HSPBAP1: variants seen among roughly 807,000 people sequenced by gnomAD.
The protein encoded by HSPBAP1 is HSPB1 associated protein 1, also known as HSPB1-associated protein 1.
Under a neutral mutation model 45.2 loss-of-function variants are expected in HSPBAP1, and 27 were observed. The observed-to-expected ratio is 0.60, with a 90% confidence interval of 0.44 to 0.82. The LOEUF is 0.82. Ranked by LOEUF, HSPBAP1 falls within the 40% of genes least tolerant of loss-of-function variation. The pLI, the probability that HSPBAP1 is intolerant of heterozygous loss-of-function variation, is 0.00. For synonymous variants in HSPBAP1, 204 were observed against 202.7 expected (o/e 1.01, Z -0.06); for missense variants, 510 against 590.9 (o/e 0.86, Z 1.42).
At position 122,781,437 on chromosome 3, in the gene HSPBAP1, C is replaced by G. The variant is rs1055953352; in HGVS notation, c.65-3531G>C. Among the ~76,000 whole-genome samples, 7 of 146,290 alleles carry G rather than the reference C, an allele frequency of 4.8e-5. No homozygotes were observed. In the East Asian group the frequency reaches 6.9e-4, roughly 14 times the overall value. On this transcript the variant is annotated intron_variant, in intron 1 of 7. Coordinates refer to ENST00000306103, the MANE Select transcript of HSPBAP1 (RefSeq NM_024610.6). Reference sequence around the variant, plus strand: ...AGGCGTGGCGGCGCGTGCCTGCAATCGCAGGCACTCGGCAGGCTGAGGCAG... The same window carrying G: ...AGGCGTGGCGGCGCGTGCCTGCAATGGCAGGCACTCGGCAGGCTGAGGCAG...
At chr3:122,762,062 A>G (rs570995854) in intron 3 of HSPBAP1, 4 of 152,240 alleles carry the variant, frequency 2.6e-5, no homozygotes, top group East Asian at 3.9e-4. Context: ...TTTAAAAATC[A>G]TCTATTCTCA....
chr3:122,780,128 G>A (rs1178588658), intron 1 of HSPBAP1, among the ~76,000 whole-genome samples: 1 of 137,764 alleles, frequency 7.3e-6, no homozygotes, highest in Non-Finnish European at 1.6e-5. Context: ...CGGCTGGCCG[G>A]GCGGGGAGCT....
At chr3:122,749,018 T>A (rs956405277) in intron 6 of HSPBAP1, among the ~76,000 whole-genome samples, 2 of 152,112 alleles carry the variant, frequency 1.3e-5, no homozygotes, top group Non-Finnish European at 2.9e-5. Context: ...GAATAAAGGA[T>A]AGAAAATTTA....
At chr3:122,760,014 T>A (rs910054265) in intron 3 of HSPBAP1, among the ~76,000 whole-genome samples, 4 of 152,194 alleles carry the variant, frequency 2.6e-5, no homozygotes, top group African/African-American at 4.8e-5. Context: ...TTTTGAAATA[T>A]ACATCCATGG....
intron 6 of HSPBAP1, among the ~76,000 whole-genome samples, chr3:122,749,612 A>G (rs1305480305): frequency 1.3e-5 from 2 of 152,080 alleles, no homozygotes; most frequent in African/African-American, 4.8e-5. Context: ...TAAATTTGAC[A>G]TCTTTTTCTT....
At chr3:122,769,954 C>G (rs1934928482) in intron 2 of HSPBAP1, among the ~76,000 whole-genome samples, 1 of 152,342 alleles carries the variant, frequency 6.6e-6, no homozygotes, top group Non-Finnish European at 1.5e-5. Context: ...GCTGGGATTA[C>G]AGGTGTGGGC....
At chr3:122,740,941 CT>C in intron 7 of HSPBAP1, 61 bp downstream of exon 7, 4 of 1,606,822 alleles carry the variant, frequency 2.5e-6, no homozygotes, top group Non-Finnish European at 3.4e-6. Flanking sequence ...AACATATGTT[CT>C]AGTCAGGGCT....
chr3:122,752,975 C>T, intron 5 of HSPBAP1: 1 of 1,082,266 alleles, frequency 9.2e-7, no homozygotes, highest in Non-Finnish European at 1.1e-6. Flanking sequence ...CTAATTTTTC[C>T]TCCTTTCCGT....
intron 1 of HSPBAP1, among the ~76,000 whole-genome samples, chr3:122,778,450 A>G (rs1935267105): frequency 6.6e-6 from 1 of 151,792 alleles, no homozygotes; most frequent in African/African-American, 2.4e-5. Flanking sequence ...GTCAAGCTAG[A>G]CATTTTTATT....
In HSPBAP1 at chr3:122,755,437, T is replaced by TAAAAAA. The variant is rs56210865; in HGVS notation, c.570-12_570-7dup. The TAAAAAA allele has an allele frequency of 3.9e-4, 460 of 1,184,578 alleles. No individual in the cohort carries two copies. The highest frequency in any genetic ancestry group is 4.5e-4 in the Non-Finnish European group (410 of 906,130). The allele number at this position is 1,184,578 out of a possible 1,614,324, so 73.4% of individuals were successfully genotyped here. Reference sequence around the variant, plus strand: ...GAAAGAGATGCCATCGTTTCCTAATTAAAAAAAAAAAAAAAAGATACAAGT... The same window carrying TAAAAAA: ...GAAAGAGATGCCATCGTTTCCTAATTAAAAAAAAAAAAAAAAAAAAAAGATACAAGT... On this transcript the variant is annotated splice_polypyrimidine_tract_variant and splice_region_variant and intron_variant, in intron 4 of 7. Coordinates refer to ENST00000306103, the MANE Select transcript of HSPBAP1 (RefSeq NM_024610.6).
At chr3:122,757,043 C>T (rs1176735539) in intron 4 of HSPBAP1, among the ~76,000 whole-genome samples, 1 of 152,130 alleles carries the variant, frequency 6.6e-6, no homozygotes, top group Non-Finnish European at 1.5e-5. Context: ...TTCTCCAGAT[C>T]CCAGTTCCTT....
intron 1 of HSPBAP1, among the ~76,000 whole-genome samples, chr3:122,788,501 C>T (rs1323252260): frequency 6.6e-6 from 1 of 152,246 alleles, no homozygotes; most frequent in East Asian, 1.9e-4. Flanking sequence ...ATCTGCACAC[C>T]CATGTTCACA....
chr3:122,778,695 A>T (rs1389476939), intron 1 of HSPBAP1, among the ~76,000 whole-genome samples: 1 of 151,918 alleles, frequency 6.6e-6, no homozygotes. Flanking sequence ...GCGCCCGGCT[A>T]ATTTTTTTGT....
At chr3:122,741,297 G>A (rs1464867048) in intron 6 of HSPBAP1, 184 bp from the exon 7 acceptor site, 11 of 586,016 alleles carry the variant, frequency 1.9e-5, no homozygotes, top group Non-Finnish European at 3.0e-5. Flanking sequence ...ATCTAGAAGA[G>A]CTGCAGAATA....
chr3:122,780,326 C>A (rs1198988411), intron 1 of HSPBAP1, among the ~76,000 whole-genome samples: 10 of 104,288 alleles, frequency 9.6e-5, no homozygotes, highest in African/African-American at 3.7e-4. Flanking sequence ...GCTGGCCGGG[C>A]GGGGGGCTGA....
intron 3 of HSPBAP1, among the ~76,000 whole-genome samples, chr3:122,767,654 C>T (rs765969234): frequency 6.6e-6 from 1 of 152,004 alleles, no homozygotes; most frequent in Non-Finnish European, 1.5e-5. Context: ...TTAAGCCAGG[C>T]GCAGTGGCAC....
chr3:122,781,441 G>A (rs1423771011), intron 1 of HSPBAP1, among the ~76,000 whole-genome samples: 1 of 150,556 alleles, frequency 6.6e-6, no homozygotes, highest in African/African-American at 2.4e-5. Flanking sequence ...TGCAATCGCA[G>A]GCACTCGGCA....
chr3:122,740,093 G>T lies in HSPBAP1; in HGVS notation c.*252C>A, dbSNP rs1933596871. ...ATTACTTCCTGCTGGAAATACTTGG[G>T]ACTTACATTTGACACAGGCTAAAAG... On this transcript the variant is annotated 3_prime_UTR_variant, in exon 8 of 8. Transcript: ENST00000306103. The T allele has an allele frequency of 4.1e-6, 1 of 243,184 alleles. No individual in the cohort carries two copies. The highest frequency in any genetic ancestry group is 2.3e-5 in the African/African-American group (1 of 44,224). The allele number at this position is 243,184 out of a possible 1,614,324, so 15.1% of individuals were successfully genotyped here.
chr3:122,748,647 A>T (rs1934015321), intron 6 of HSPBAP1, among the ~76,000 whole-genome samples: 1 of 152,254 alleles, frequency 6.6e-6, no homozygotes, highest in Non-Finnish European at 1.5e-5. Context: ...ATGGAAATGC[A>T]AAATGGCACA....
Sources: allele counts gnomAD v4.1 joint callset (sites outside exome capture counted in the v4.1 genomes callset), GRCh38; gene constraint gnomAD v4.1.1; transcripts MANE v1.5; gene names NCBI Gene and HGNC (gene_info 2026-07-23, HGNC 2026-07-21).